Variants in CNTNAP2 observed in about 807,000 individuals in gnomAD.
CNTNAP2 encodes the protein contactin associated protein 2, also known as contactin-associated protein-like 2.
In CNTNAP2, 98 loss-of-function variants were observed where a neutral mutation model predicts 155.2. The observed-to-expected ratio is 0.63, with a 90% CI of 0.54 to 0.75. The LOEUF is 0.75. CNTNAP2 is among the 30% of genes least tolerant of loss of function. The probability of loss-of-function intolerance (pLI) is 0.00; values close to 1 mark genes in which losing one functional copy is unlikely to be tolerated. For missense variants in CNTNAP2, 1,727 were observed against 1,688.1 expected, an observed-to-expected ratio of 1.02 and a Z score of -0.40; for synonymous variants, 651 against 631.2, an observed-to-expected ratio of 1.03 and a Z score of -0.47.
chr7:146,247,414 T>A (rs1260834282), intron 1 of CNTNAP2, among the ~76,000 whole-genome samples: 2 of 151,774 alleles, frequency 1.3e-5, no homozygotes, highest in African/African-American at 4.8e-5. Flanking sequence ...TGAGGAAGAA[T>A]TGGGACCTAG....
At chr7:146,698,668 T>G (rs1341458566) in intron 1 of CNTNAP2, among the ~76,000 whole-genome samples, 1 of 152,134 alleles carries the variant, frequency 6.6e-6, no homozygotes, top group African/African-American at 2.4e-5. Flanking sequence ...GTCTTTGAAT[T>G]CGAAAAAGCA....
chr7:147,650,164 C>T (rs367617689), intron 13 of CNTNAP2, among the ~76,000 whole-genome samples: 202 of 152,032 alleles, frequency 1.3e-3, no homozygotes, highest in Middle Eastern at 6.9e-3. Context: ...ACCTGATAAA[C>T]CTAATCGTAA....
intron 3 of CNTNAP2, among the ~76,000 whole-genome samples, chr7:146,878,459 A>G (rs1246047556): frequency 6.8e-6 from 1 of 147,446 alleles, no homozygotes; most frequent in East Asian, 2.0e-4. Context: ...TTTTTTTTTT[A>G]ATAAGATTAT....
At chr7:146,214,409 C>T (rs1289321963) in intron 1 of CNTNAP2, among the ~76,000 whole-genome samples, 5 of 152,310 alleles carry the variant, frequency 3.3e-5, no homozygotes, top group East Asian at 1.9e-4. Flanking sequence ...CATTTACATA[C>T]CTGGCTTTGT....
chr7:146,346,466 G>A (rs1458364823), intron 1 of CNTNAP2, among the ~76,000 whole-genome samples: 1 of 152,162 alleles, frequency 6.6e-6, no homozygotes, highest in Non-Finnish European at 1.5e-5. Context: ...TGGATCATTT[G>A]AGGTCAGGAG....
At chr7:146,943,128 G>A (rs2129226092) in intron 3 of CNTNAP2, among the ~76,000 whole-genome samples, 1 of 152,232 alleles carries the variant, frequency 6.6e-6, no homozygotes, top group East Asian at 1.9e-4. Flanking sequence ...GCCTACTGTT[G>A]ACCATAAGCC....
At chr7:146,737,862 C>T (rs868754763) in intron 1 of CNTNAP2, among the ~76,000 whole-genome samples, 2 of 151,886 alleles carry the variant, frequency 1.3e-5, no homozygotes, top group South Asian at 2.1e-4. Flanking sequence ...TGTGTGTGTG[C>T]GTGCATATAG....
At chr7:146,481,201 C>T (rs750913309) in intron 1 of CNTNAP2, among the ~76,000 whole-genome samples, 1 of 152,132 alleles carries the variant, frequency 6.6e-6, no homozygotes, top group Non-Finnish European at 1.5e-5. Context: ...TCCCAATATT[C>T]CTAATTTTCA....
At chr7:146,240,769 A>C (rs1799547717) in intron 1 of CNTNAP2, among the ~76,000 whole-genome samples, 1 of 152,214 alleles carries the variant, frequency 6.6e-6, no homozygotes, top group African/African-American at 2.4e-5. Flanking sequence ...TGCTATTTGC[A>C]TAGGGCTGCA....
chr7:147,802,398 T>C (rs1798014951), intron 13 of CNTNAP2, among the ~76,000 whole-genome samples: 2 of 151,950 alleles, frequency 1.3e-5, no homozygotes, highest in South Asian at 2.1e-4. Context: ...GGCTGCAATC[T>C]CGGCACTTTG....
rs546150747 is a variant in CNTNAP2 at position 146,201,589 on chromosome 7, A to G, written c.97+84616A>G. 2.2e-4 allele frequency among the ~76,000 whole-genome samples: 33 copies of G among 151,980 alleles called. 1 individual carries two copies. Among genetic ancestry groups the G allele is most frequent in the Non-Finnish European group, 3.5e-4 (24 of 67,980 alleles). ...AAAGAAGAGGATCAATATATCCTGA[A>G]AGAAGAAAAAATTCCAAATGAAACA... On this transcript the variant is annotated intron_variant, in intron 1 of 23. Transcript: ENST00000361727.
At chr7:146,968,036 T>C (rs970759329) in intron 3 of CNTNAP2, among the ~76,000 whole-genome samples, 3 of 145,866 alleles carry the variant, frequency 2.1e-5, no homozygotes, top group African/African-American at 7.3e-5. Context: ...TTGAATTTTG[T>C]CAAAGGCCTT....
At chr7:146,712,227 TATGTATACATATCTTATGTATACAA>T in intron 1 of CNTNAP2, among the ~76,000 whole-genome samples, 1 of 121,866 alleles carries the variant, frequency 8.2e-6, no homozygotes, top group African/African-American at 2.9e-5. Flanking sequence ...TGTATACAAA[TATGTATACATATCTTATGTATACAA>T]ATATGTATAC....
chr7:146,641,429 G>A (rs1300723368), intron 1 of CNTNAP2, among the ~76,000 whole-genome samples: 1 of 152,166 alleles, frequency 6.6e-6, no homozygotes, highest in Non-Finnish European at 1.5e-5. Context: ...TATAAGAGAA[G>A]AACATATTTT....
At chr7:148,113,455 C>T (rs1804399979) in intron 15 of CNTNAP2, among the ~76,000 whole-genome samples, 1 of 152,192 alleles carries the variant, frequency 6.6e-6, no homozygotes, top group South Asian at 2.1e-4. Context: ...CACCAGGCCC[C>T]ACAACATTGG....
intron 1 of CNTNAP2, among the ~76,000 whole-genome samples, chr7:146,587,416 G>T (rs73468476): frequency 0.034 from 5,113 of 152,150 alleles, 286 homozygotes; most frequent in African/African-American, 0.12. Context: ...CCCCTAAGAA[G>T]GACATAAGTC....
chr7:148,011,728 C>G (rs719312), intron 15 of CNTNAP2, among the ~76,000 whole-genome samples: 6,042 of 152,256 alleles, frequency 0.04, 248 homozygotes, highest in East Asian at 0.24. Context: ...TTCTTGGACT[C>G]TCAAGTAGTG....
intron 1 of CNTNAP2, among the ~76,000 whole-genome samples, chr7:146,582,382 T>C (rs1375158912): frequency 6.6e-6 from 1 of 152,108 alleles, no homozygotes; most frequent in Non-Finnish European, 1.5e-5. Flanking sequence ...AGAGGTTATA[T>C]CATCATTTAA....
chr7:147,631,419 C>A (rs185893381), intron 12 of CNTNAP2, among the ~76,000 whole-genome samples: 19 of 152,176 alleles, frequency 1.2e-4, no homozygotes, highest in Admixed American at 4.6e-4. Context: ...CAAAATCAAT[C>A]TACAGATTGC....
Sources: allele counts gnomAD v4.1 joint callset (sites outside exome capture counted in the v4.1 genomes callset), GRCh38; gene constraint gnomAD v4.1.1; transcripts MANE v1.5; gene names NCBI Gene and HGNC (gene_info 2026-07-23, HGNC 2026-07-21).